The following HYAL4 variants were observed in gnomAD, a reference collection of about 807,000 sequenced individuals.
HYAL4 encodes the protein hyaluronidase 4, also known as hyaluronidase-4.
HYAL4 carries 37 observed loss-of-function variants against 35.2 expected under a neutral mutation model. That is an observed-to-expected ratio of 1.05 (90% CI 0.81 to 1.38). The LOEUF (loss-of-function observed/expected upper bound fraction) is 1.38. Among genes scored for constraint, HYAL4 ranks in the 40% most tolerant of loss-of-function variants. The pLI is 0.00. For synonymous variants in HYAL4, 198 were observed against 203.2 expected (o/e 0.97, Z 0.22); for missense variants, 572 against 572.4 (o/e 1.00, Z 0.01).
intron 2 of HYAL4, among the ~76,000 whole-genome samples, chr7:123,849,386 T>G (rs1014613459): frequency 6.6e-5 from 10 of 151,774 alleles, no homozygotes; most frequent in African/African-American, 2.4e-4. Flanking sequence ...CTGCAACTTC[T>G]GCCTCCTGGG....
At chr7:123,768,838 G>T in the HYAL4 span, among the ~76,000 whole-genome samples, 1 of 152,122 alleles carries the variant, frequency 6.6e-6, no homozygotes, top group Non-Finnish European at 1.5e-5. Context: ...TTGTCCATTG[G>T]TTACTTTTTT....
chr7:123,808,659 TAAG>T, the HYAL4 span, among the ~76,000 whole-genome samples: 1 of 152,174 alleles, frequency 6.6e-6, no homozygotes, highest in Non-Finnish European at 1.5e-5. Context: ...ACAGAATGTC[TAAG>T]ATACCAATGG....
the HYAL4 span, among the ~76,000 whole-genome samples, chr7:123,764,146 CTAAT>C: frequency 6.6e-6 from 1 of 152,150 alleles, no homozygotes; most frequent in Admixed American, 6.5e-5. Context: ...CCACGCCTGA[CTAAT>C]TATTTGTAGA....
the HYAL4 span, among the ~76,000 whole-genome samples, chr7:123,799,531 G>A: frequency 6.6e-6 from 1 of 151,650 alleles, no homozygotes; most frequent in Non-Finnish European, 1.5e-5. Context: ...GCACATGCCT[G>A]TAATCCCAGC....
chr7:123,865,219 A>G (rs1563002051), intron 2 of HYAL4, among the ~76,000 whole-genome samples: 1 of 152,224 alleles, frequency 6.6e-6, no homozygotes, highest in Non-Finnish European at 1.5e-5. Context: ...AGCAGGAAGT[A>G]TCTGGCAGGG....
the HYAL4 span, among the ~76,000 whole-genome samples, chr7:123,797,408 C>G: frequency 6.6e-6 from 1 of 152,160 alleles, no homozygotes; most frequent in Non-Finnish European, 1.5e-5. Flanking sequence ...AATAAAACTC[C>G]AAACTTAATT....
At chr7:123,842,295 A>G (rs1210272975), upstream of HYAL4, among the ~76,000 whole-genome samples, 2 of 152,026 alleles carry the variant, frequency 1.3e-5, no homozygotes, top group Non-Finnish European at 2.9e-5. Context: ...GTTTCCATGT[A>G]GTAGTGCGGT....
chr7:123,877,378 A>T lies in HYAL4; in HGVS notation c.*223A>T. The T allele has an allele frequency of 2.2e-6, 1 of 449,628 alleles. No individual in the cohort carries two copies. 27.9% of individuals were successfully genotyped at this position (449,628 alleles called of 1,614,324 possible). A position where few individuals can be genotyped will look rare whatever the true frequency, so the allele number is the denominator to read the frequency against. ...CAATGTACACTTCCTCCTTATTGGAATATTTAAGTTGCATTTAAACTAAAA... is the reference window on the plus strand; with the variant it reads ...CAATGTACACTTCCTCCTTATTGGATTATTTAAGTTGCATTTAAACTAAAA... On this transcript the variant is annotated 3_prime_UTR_variant, in exon 5 of 5. Transcript: ENST00000223026.
chr7:123,853,207 A>G (rs555507399), intron 2 of HYAL4, among the ~76,000 whole-genome samples: 31 of 152,244 alleles, frequency 2.0e-4, no homozygotes, highest in African/African-American at 7.5e-4. Context: ...CTCTCTTCCT[A>G]TGTGAATGCT....
chr7:123,860,305 G>C (rs1806548969), intron 2 of HYAL4, among the ~76,000 whole-genome samples: 1 of 152,132 alleles, frequency 6.6e-6, no homozygotes, highest in African/African-American at 2.4e-5. Flanking sequence ...CCTTATAGCA[G>C]TGTGAGAACA....
At chr7:123,876,634 C>G (rs1430514453) in intron 4 of HYAL4, 120 bp from the exon 5 acceptor site, 7 of 1,076,776 alleles carry the variant, frequency 6.5e-6, no homozygotes, top group East Asian at 2.4e-5. Flanking sequence ...TAATCAAGAC[C>G]AAAGAACTGT....
At chr7:123,869,563 G>T (rs1336601850) in intron 3 of HYAL4, among the ~76,000 whole-genome samples, 1 of 152,152 alleles carries the variant, frequency 6.6e-6, no homozygotes, top group Non-Finnish European at 1.5e-5. Flanking sequence ...CAGTGAGCAG[G>T]TTAGACAATC....
intron 1 of HYAL4, among the ~76,000 whole-genome samples, chr7:123,837,447 G>A (rs1805982817): frequency 6.6e-6 from 1 of 152,116 alleles, no homozygotes; most frequent in Non-Finnish European, 1.5e-5. Flanking sequence ...CTCTCAGGGA[G>A]CAATTAATCT....
chr7:123,851,351 G>A (rs897823631), intron 2 of HYAL4, among the ~76,000 whole-genome samples: 5 of 152,004 alleles, frequency 3.3e-5, no homozygotes, highest in African/African-American at 1.2e-4. Context: ...CAATCCACCT[G>A]TCATCTACAT....
chr7:123,819,941 A>T, the HYAL4 span, among the ~76,000 whole-genome samples: 1 of 143,808 alleles, frequency 7.0e-6, no homozygotes, highest in Non-Finnish European at 1.5e-5. Context: ...ACCAGACTGG[A>T]GTGCAGTGGC....
the HYAL4 span, among the ~76,000 whole-genome samples, chr7:123,823,868 T>C: frequency 6.6e-6 from 1 of 152,008 alleles, no homozygotes; most frequent in Admixed American, 6.6e-5. Flanking sequence ...AACTACTACT[T>C]TTCTAAAGCT....
chr7:123,816,378 T>G, the HYAL4 span, among the ~76,000 whole-genome samples: 30 of 152,190 alleles, frequency 2.0e-4, no homozygotes, highest in Admixed American at 1.9e-3. Context: ...CAAATCATTT[T>G]ACTATCTTAA....
chr7:123,869,584 T>C (rs1806809077), intron 3 of HYAL4, among the ~76,000 whole-genome samples: 1 of 152,170 alleles, frequency 6.6e-6, no homozygotes. Context: ...AAAAAGGATG[T>C]TTTGAAATGG....
intron 2 of HYAL4, among the ~76,000 whole-genome samples, chr7:123,857,899 A>G (rs114531467): frequency 0.012 from 1,761 of 152,170 alleles, 35 homozygotes; most frequent in African/African-American, 0.04. Context: ...AAATGGAGAT[A>G]TGGAATGTCT....
Sources: allele counts gnomAD v4.1 joint callset (sites outside exome capture counted in the v4.1 genomes callset), GRCh38; gene constraint gnomAD v4.1.1; transcripts MANE v1.5; gene names NCBI Gene and HGNC (gene_info 2026-07-23, HGNC 2026-07-21).